The following PHPT1 variants were observed in gnomAD, a reference collection of about 807,000 sequenced individuals.
PHPT1 encodes the protein 14 kDa phosphohistidine phosphatase.
PHPT1 carries 16 observed loss-of-function variants against 15.6 expected under a neutral mutation model. The observed-to-expected ratio is 1.03, with a 90% CI of 0.70 to 1.56. The LOEUF (loss-of-function observed/expected upper bound fraction) is 1.56. Ranked by LOEUF, PHPT1 falls within the 40% of genes most tolerant of loss-of-function variation. The pLI is 0.00. For synonymous variants in PHPT1, 102 were observed against 68.1 expected, an observed-to-expected ratio of 1.50 and a Z score of -2.45; for missense variants, 228 against 171.0, an observed-to-expected ratio of 1.33 and a Z score of -1.86.
In PHPT1 at chr9:136,849,427, G is replaced by A. The variant is rs377699154; in HGVS notation, c.-4G>A. ...TGGGAGGAGGGGACTCCGGGAGGAGGAACATGGCGGTGGCGGACCTCGCTC... is the reference window on the plus strand; with the variant it reads ...TGGGAGGAGGGGACTCCGGGAGGAGAAACATGGCGGTGGCGGACCTCGCTC... On this transcript the variant is annotated 5_prime_UTR_variant, in exon 1 of 3. Coordinates refer to ENST00000247665, the MANE Select transcript of PHPT1 (RefSeq NM_014172.6). 107 of 1,591,818 alleles carry A rather than the reference G, an allele frequency of 6.7e-5. No homozygotes were observed. Among genetic ancestry groups the A allele is most frequent in the Non-Finnish European group, 8.5e-5 (99 of 1,169,114 alleles).
chr9:136,850,081 G>A lies in PHPT1; in HGVS notation c.229G>A (p.Gly77Arg). The A allele has an allele frequency of 6.2e-7, 1 of 1,613,226 alleles. No individual in the cohort carries two copies. Among genetic ancestry groups the A allele is most frequent in the Non-Finnish European group, 8.5e-7 (1 of 1,179,914 alleles). ...QGCDCECLGG[G>R]RISHQSQDKK... ...CTGCGACTGTGAGTGTCTGGGCGGC[G>A]GGCGCATCTCCCACCAGAGTCAGGA... The change falls in exon 2 of 3, where the codon GGG becomes AGG. Residue 77 changes from glycine to arginine, a missense_variant. Physicochemically the swap from Gly to Arg is moderately radical, Grantham distance 125 (BLOSUM62 -2). Coordinates refer to ENST00000247665, the MANE Select transcript of PHPT1 (RefSeq NM_014172.6).
At position 136,850,125 on chromosome 9, in the gene PHPT1, C is replaced by G. The variant is rs376970290; in HGVS notation, c.273C>G (p.Tyr91Ter). 1 of 1,613,032 alleles carries G rather than the reference C, an allele frequency of 6.2e-7. No homozygotes were observed. The highest frequency in any genetic ancestry group is 1.3e-5 in the African/African-American group (1 of 74,942). The change falls in exon 2 of 3, where the codon TAC becomes TAG. Residue 91 changes from tyrosine (Y) to a stop codon, truncating the protein, a stop_gained. Coordinates refer to ENST00000247665, the MANE Select transcript of PHPT1 (RefSeq NM_014172.6). LOFTEE classifies it high-confidence loss of function. ...GTCAGGACAAGAAGATTCACGTGTA[C>G]GGCTATTCCATGGTGAGCCGCAGCC... ...HQSQDKKIHV[Y>*]GYSMAYGPAQ...
rs747681702 is a variant in PHPT1 at position 136,849,446 on chromosome 9, C to T, written c.16C>T (p.Leu6Phe). 5.6e-6 allele frequency: 9 copies of T among 1,605,898 alleles called. No homozygotes were observed. Among genetic ancestry groups the T allele is most frequent in the East Asian group, 4.5e-5 (2 of 44,144 alleles). Residue 6 changes from leucine to phenylalanine, a missense_variant, in exon 1 of 3, where the codon CTC (leucine) becomes TTC (phenylalanine). Physicochemically the swap from Leu to Phe is conservative, Grantham distance 22 (BLOSUM62 0). Transcript: ENST00000247665. Reference sequence around the variant, plus strand: ...GAGGAGGAACATGGCGGTGGCGGACCTCGCTCTCATTCCTGATGTGGACAT... The same window carrying T: ...GAGGAGGAACATGGCGGTGGCGGACTTCGCTCTCATTCCTGATGTGGACAT... Reference protein sequence around the residue: MAVADLALIPDVDIDS... With the variant: MAVADFALIPDVDIDS...
chr9:136,849,640 G>T, intron 1 of PHPT1, 50 bp downstream of exon 1: 2 of 1,391,732 alleles, frequency 1.4e-6, no homozygotes, highest in Non-Finnish European at 9.6e-7. Flanking sequence ...GCGAGGCGGG[G>T]GCGGGGCTGG....
chr9:136,850,901 T>A lies in PHPT1; in HGVS notation c.*54T>A. 2.2e-6 allele frequency: 3 copies of A among 1,339,536 alleles called. No homozygotes were observed. Among genetic ancestry groups the A allele is most frequent in the Non-Finnish European group, 3.2e-6 (3 of 931,088 alleles). 83.0% of individuals were successfully genotyped at this position (1,339,536 alleles called of 1,614,324 possible). A position where few individuals can be genotyped will look rare whatever the true frequency, so the allele number is the denominator to read the frequency against. ...CAGCAGCCACTTCAGAGCCCCCGCCTTTGCCTGCACTCCTCTTGCAGGGCT... is the reference window on the plus strand; with the variant it reads ...CAGCAGCCACTTCAGAGCCCCCGCCATTGCCTGCACTCCTCTTGCAGGGCT... On this transcript the variant is annotated 3_prime_UTR_variant, in exon 3 of 3. Transcript: ENST00000247665.
Position 136,849,994 on chromosome 9 carries a change from G to A in PHPT1, c.161-19G>A. The A allele has an allele frequency of 3.1e-6, 5 of 1,603,976 alleles. No homozygotes were observed. Among genetic ancestry groups the A allele is most frequent in the Non-Finnish European group, 4.3e-6 (5 of 1,174,454 alleles). ...CAAGGGCGGCCAGGGCACGTCCTGA[G>A]GCCGCCCTCCCATCCCAGCGGACAT... On this transcript the variant is annotated intron_variant, in intron 1 of 2. Coordinates refer to ENST00000247665, the MANE Select transcript of PHPT1 (RefSeq NM_014172.6).
rs1848903159 is a variant in PHPT1, at chr9:136,850,919, G to A, written c.*72G>A. ...CCCCGCCTTTGCCTGCACTCCTCTT[G>A]CAGGGCTGGCCCTGCCTGCTCCTGC... On this transcript the variant is annotated 3_prime_UTR_variant, in exon 3 of 3. Transcript: ENST00000247665. The A allele has an allele frequency of 3.4e-6, 4 of 1,162,472 alleles. No individual in the cohort carries two copies. Among genetic ancestry groups the A allele is most frequent in the African/African-American group, 1.5e-5 (1 of 66,136 alleles). 72.0% of individuals were successfully genotyped at this position (1,162,472 alleles called of 1,614,324 possible). A position where few individuals can be genotyped will look rare whatever the true frequency, so the allele number is the denominator to read the frequency against.
In PHPT1 at chr9:136,850,099, A is replaced by G. The variant is rs201397178; in HGVS notation, c.247A>G (p.Ser83Gly). Reference protein sequence around the residue: ...CLGGGRISHQSQDKKIHVYGY... With the variant: ...CLGGGRISHQGQDKKIHVYGY... ...GGGCGGCGGGCGCATCTCCCACCAG[A>G]GTCAGGACAAGAAGATTCACGTGTA... The change falls in exon 2 of 3, where the codon AGT (serine) becomes GGT (glycine). Residue 83 changes from serine to glycine, a missense_variant. Physicochemically the swap from Ser to Gly is moderately conservative, Grantham distance 56. Coordinates refer to ENST00000247665, the MANE Select transcript of PHPT1 (RefSeq NM_014172.6). 1.2e-6 allele frequency: 2 copies of G among 1,613,106 alleles called. No homozygotes were observed.
chr9:136,850,001 C>T lies in PHPT1; in HGVS notation c.161-12C>T, dbSNP rs199530485. 4.5e-4 allele frequency: 717 copies of T among 1,607,570 alleles called. 10 individuals carry two copies. The East Asian group carries it at 0.015, about 33-fold the overall frequency. ...GGCCAGGGCACGTCCTGAGGCCGCC[C>T]TCCCATCCCAGCGGACATCTACGAC... On this transcript the variant is annotated splice_polypyrimidine_tract_variant and intron_variant, in intron 1 of 2. Coordinates refer to ENST00000247665, the MANE Select transcript of PHPT1 (RefSeq NM_014172.6).
chr9:136,850,281 C>T (rs1403621152), intron 2 of PHPT1, 144 bp downstream of exon 2: 3 of 1,074,998 alleles, frequency 2.8e-6, no homozygotes, highest in African/African-American at 1.6e-5. Context: ...AGCCCTCCCT[C>T]CAGGGCCCAT....
Position 136,849,501 on chromosome 9 carries a change from T to C in PHPT1, c.71T>C (p.Leu24Pro), listed in dbSNP as rs1333422190. The C allele has an allele frequency of 6.2e-7, 1 of 1,611,682 alleles. No homozygotes were observed. Residue 24 changes from leucine to proline, a missense_variant, in exon 1 of 3, where the codon CTG becomes CCG. Coordinates refer to ENST00000247665, the MANE Select transcript of PHPT1 (RefSeq NM_014172.6). ...TCCGACGGCGTCTTCAAGTATGTGC[T>C]GATCCGAGTCCACTCGGCTCCCCGC... ...IDSDGVFKYV[L>P]IRVHSAPRSG...
intron 2 of PHPT1, chr9:136,850,473 C>T (rs1318576107): frequency 1.9e-6 from 3 of 1,588,768 alleles, no homozygotes; most frequent in Admixed American, 1.7e-5. Flanking sequence ...GCTCAGAGTC[C>T]CCACCTGTGC....
chr9:136,850,517 G>T, intron 2 of PHPT1: 7 of 1,611,992 alleles, frequency 4.3e-6, no homozygotes, highest in Non-Finnish European at 4.2e-6. Flanking sequence ...TGAGACCCAC[G>T]TGCGTCCCTC....
rs992389442 is a variant in PHPT1, at chr9:136,849,562, G to C, written c.132G>C (p.Val44=). The change falls in exon 1 of 3, where the codon GTG becomes GTC. Residue 44 remains valine, a synonymous_variant. Coordinates refer to ENST00000247665, the MANE Select transcript of PHPT1 (RefSeq NM_014172.6). ...CGGCTGCAGAGAGCAAGGAGATCGT[G>C]CGCGGCTACAAGTGGGCTGAGTACC... ...GAPAAESKEI[V]RGYKWAEYHA... is the part of the protein sequence containing the mutation. The C allele has an allele frequency of 2.5e-6, 4 of 1,607,086 alleles. No individual in the cohort carries two copies. Among genetic ancestry groups the C allele is most frequent in the Non-Finnish European group, 2.5e-6 (3 of 1,178,478 alleles).
At chr9:136,850,185 T>C (rs757163005) in intron 2 of PHPT1, 48 bp downstream of exon 2, 1 of 1,611,492 alleles carries the variant, frequency 6.2e-7, no homozygotes, top group Admixed American at 1.7e-5. Context: ...AGTACCAGCT[T>C]CGAGGCCCAC....
Position 136,850,767 on chromosome 9 carries a change from G to A in PHPT1, c.298G>A (p.Ala100Thr), listed in dbSNP as rs1243059558. 2 of 1,613,052 alleles carry A rather than the reference G, an allele frequency of 1.2e-6. No individual in the cohort carries two copies. The highest frequency in any genetic ancestry group is 1.1e-5 in the South Asian group (1 of 91,084). Residue 100 changes from alanine to threonine, a missense_variant, in exon 3 of 3, where the codon GCC becomes ACC. Transcript: ENST00000247665. ...VYGYSMAYGP[A>T]QHAISTEKIK... is the part of the protein sequence containing the mutation. ...TTCTCTTCTCCAGGCCTATGGTCCT[G>A]CCCAGCACGCCATTTCAACTGAGAA...
Position 136,849,666 on chromosome 9 carries a change from GC to G in PHPT1, c.160+77del, listed in dbSNP as rs1306012641. On this transcript the variant is annotated intron_variant, in intron 1 of 2. Coordinates refer to ENST00000247665, the MANE Select transcript of PHPT1 (RefSeq NM_014172.6). The stretch of plus-strand genomic sequence containing the variant: ...GCGGGGCTGGCGGGACGGAGACGGG[GC>G]TGACGAGGCAGGGGCGGGGCTGGCG... The G allele has an allele frequency of 2.9e-6, 3 of 1,022,040 alleles. No individual in the cohort carries two copies. In the African/African-American group the frequency reaches 5.2e-5, roughly 18 times the overall value. 63.3% of individuals were successfully genotyped at this position (1,022,040 alleles called of 1,614,324 possible).
At chr9:136,850,217 G>A in intron 2 of PHPT1, 80 bp downstream of exon 2, 2 of 1,585,110 alleles carry the variant, frequency 1.3e-6, no homozygotes, top group South Asian at 1.1e-5. Flanking sequence ...GCCCTGACCC[G>A]TGGCCCCAGC....
Position 136,850,855 on chromosome 9 carries a change from C to A in PHPT1, c.*8C>A. On this transcript the variant is annotated 3_prime_UTR_variant, in exon 3 of 3. Coordinates refer to ENST00000247665, the MANE Select transcript of PHPT1 (RefSeq NM_014172.6). ...GCTAACGACGGCTACTGAGCACTCCCAGCCCGGGGCCTGCTGCCTCCAGCA... is the reference window on the plus strand; with the variant it reads ...GCTAACGACGGCTACTGAGCACTCCAAGCCCGGGGCCTGCTGCCTCCAGCA... The A allele has an allele frequency of 6.2e-7, 1 of 1,606,166 alleles. No homozygotes were observed. Among genetic ancestry groups the A allele is most frequent in the South Asian group, 1.1e-5 (1 of 90,936 alleles).
Sources: allele counts gnomAD v4.1 joint callset, GRCh38; gene constraint gnomAD v4.1.1; transcripts MANE v1.5; gene names NCBI Gene and HGNC (gene_info 2026-07-23, HGNC 2026-07-21).